The following ANKRD36 variants were observed in gnomAD, a reference collection of about 807,000 sequenced individuals.
ANKRD36 encodes ankyrin repeat domain-containing protein 36A.
ANKRD36 carries 179 observed loss-of-function variants against 278.1 expected under a neutral mutation model. That is an observed-to-expected ratio of 0.64 (90% CI 0.57 to 0.73). ANKRD36 has a LOEUF of 0.73. Ranked by LOEUF, ANKRD36 falls within the 30% of genes least tolerant of loss-of-function variation. ANKRD36 has a pLI of 0.00. For synonymous variants in ANKRD36, 320 were observed against 641.1 expected (o/e 0.50, Z 7.57); for missense variants, 1,159 against 1,956.7 (o/e 0.59, Z 7.69).
chr2:97,116,871 C>A (rs550060214), intron 1 of ANKRD36, among the ~76,000 whole-genome samples: 2 of 152,024 alleles, frequency 1.3e-5, no homozygotes, highest in South Asian at 4.2e-4. Flanking sequence ...TGTATGCATT[C>A]TTTCAATCCA....
chr2:97,184,861 A>G (rs1375752878), intron 28 of ANKRD36, among the ~76,000 whole-genome samples: 1 of 151,776 alleles, frequency 6.6e-6, no homozygotes, highest in African/African-American at 2.4e-5. Context: ...TGTCATTGTA[A>G]TTGTGTACCT....
At chr2:97,234,918 T>G (rs2073261435) in intron 68 of ANKRD36, among the ~76,000 whole-genome samples, 1 of 134,118 alleles carries the variant, frequency 7.5e-6, no homozygotes, top group Non-Finnish European at 1.5e-5. Flanking sequence ...TGGATACTAT[T>G]ACTTTTAGCT....
intron 32 of ANKRD36, among the ~76,000 whole-genome samples, chr2:97,187,617 C>A (rs2057715715): frequency 6.6e-6 from 1 of 151,706 alleles, no homozygotes; most frequent in Non-Finnish European, 1.5e-5. Context: ...TACACTTCCC[C>A]ACATTGAAAT....
intron 66 of ANKRD36, among the ~76,000 whole-genome samples, chr2:97,220,773 T>TTTTA (rs1352758805): frequency 3.6e-5 from 4 of 111,156 alleles, no homozygotes; most frequent in African/African-American, 5.2e-5. Context: ...TTTTTTTTTT[T>TTTTA]AATTTTTTTT....
intron 66 of ANKRD36, among the ~76,000 whole-genome samples, chr2:97,221,876 T>A (rs1431247911): frequency 1.3e-5 from 2 of 148,274 alleles, no homozygotes; most frequent in African/African-American, 5.0e-5. Flanking sequence ...TGAATGGTAA[T>A]GCCTAGGTTT....
At position 97,172,776 on chromosome 2, in the gene ANKRD36, G is replaced by A. The variant is rs533393300; in HGVS notation, c.1633+5009G>A. Among the ~76,000 whole-genome samples the A allele has an allele frequency of 5.3e-5, 8 of 151,760 alleles. No homozygotes were observed. In the South Asian group the frequency reaches 1.5e-3, roughly 28 times the overall value. ...TTCCCAGATGTCAAATGGCAAATAG[G>A]ACTTTGATGAAGAAACACCCCGTAA... On this transcript the variant is annotated intron_variant, in intron 22 of 75. Coordinates refer to ENST00000420699, the MANE Select transcript of ANKRD36 (RefSeq NM_001354587.1).
intron 1 of ANKRD36, among the ~76,000 whole-genome samples, chr2:97,115,352 G>C (rs879581966): frequency 3.7e-4 from 50 of 136,136 alleles, no homozygotes; most frequent in African/African-American, 1.1e-3. Flanking sequence ...TTATATTGAT[G>C]CATGTTTATA....
intron 66 of ANKRD36, among the ~76,000 whole-genome samples, chr2:97,220,899 G>A (rs1335097476): frequency 2.1e-5 from 3 of 144,662 alleles, no homozygotes; most frequent in East Asian, 2.2e-4. Flanking sequence ...CTAGCATTAG[G>A]TATATCTCCC....
chr2:97,176,482 A>G (rs1300159183), intron 22 of ANKRD36, among the ~76,000 whole-genome samples: 1 of 144,350 alleles, frequency 6.9e-6, no homozygotes, highest in African/African-American at 2.5e-5. Context: ...TGCTTGGTAG[A>G]TCTTCCTCCA....
chr2:97,159,301 T>C (rs2048265500), intron 17 of ANKRD36, among the ~76,000 whole-genome samples: 1 of 152,014 alleles, frequency 6.6e-6, no homozygotes, highest in Admixed American at 6.6e-5. Context: ...CAGGAGAGAA[T>C]AACTTCAATA....
At chr2:97,181,028 G>A (rs1261113834) in intron 24 of ANKRD36, among the ~76,000 whole-genome samples, 1 of 151,644 alleles carries the variant, frequency 6.6e-6, no homozygotes, top group Non-Finnish European at 1.5e-5. Context: ...TACACCACAT[G>A]GGTGTGAGAA....
Position 97,133,021 on chromosome 2 carries a change from A to G in ANKRD36, c.799+5887A>G, listed in dbSNP as rs557919780. 9.3e-4 allele frequency among the ~76,000 whole-genome samples: 142 copies of G among 152,230 alleles called. 1 individual carries two copies. Among genetic ancestry groups the G allele is most frequent in the Non-Finnish European group, 1.1e-3 (77 of 68,026 alleles). On this transcript the variant is annotated intron_variant, in intron 6 of 75. Transcript: ENST00000420699. ...AAAGCAGCTGTTCAGAGTCAACCAC[A>G]TTGTTTATGCAAACAGTTTAGGTAC...
At chr2:97,203,809 T>C (rs192204087) in intron 48 of ANKRD36, among the ~76,000 whole-genome samples, 13 of 151,796 alleles carry the variant, frequency 8.6e-5, no homozygotes, top group Admixed American at 1.3e-4. Context: ...CACATTGATA[T>C]TGACACGGTT....
chr2:97,162,172 A>G (rs1217968139), intron 18 of ANKRD36, 34 bp downstream of exon 18: 1 of 1,360,380 alleles, frequency 7.4e-7, no homozygotes, highest in Non-Finnish European at 9.5e-7. Context: ...CCATGAGAGC[A>G]ATGAAATAAT....
intron 1 of ANKRD36, among the ~76,000 whole-genome samples, chr2:97,116,809 A>G (rs2035512526): frequency 6.6e-6 from 1 of 152,086 alleles, no homozygotes; most frequent in Non-Finnish European, 1.5e-5. Flanking sequence ...TCACTATTCC[A>G]AAAGCACTGC....
chr2:97,197,945 T>G (rs2153584538), intron 42 of ANKRD36, among the ~76,000 whole-genome samples: 1 of 151,990 alleles, frequency 6.6e-6, no homozygotes, highest in South Asian at 2.1e-4. Context: ...GGTGATCAAT[T>G]TAGGACCCTT....
At chr2:97,208,356 G>A (rs529160162) in intron 54 of ANKRD36, among the ~76,000 whole-genome samples, 2 of 146,538 alleles carry the variant, frequency 1.4e-5, no homozygotes, top group South Asian at 4.2e-4. Context: ...ACACACTTCA[G>A]CTCGTACTGC....
intron 38 of ANKRD36, 127 bp from the exon 39 acceptor site, chr2:97,194,599 G>C: frequency 6.5e-7 from 1 of 1,532,040 alleles, no homozygotes; most frequent in South Asian, 1.2e-5. Context: ...CAGACAGAAA[G>C]TAGAAGCCAT....
Position 97,192,991 on chromosome 2 carries a change from A to C in ANKRD36, c.2387A>C (p.Asp796Ala), listed in dbSNP as rs530451657. 3 of 1,581,000 alleles carry C rather than the reference A, an allele frequency of 1.9e-6. No individual in the cohort carries two copies. Among genetic ancestry groups the C allele is most frequent in the African/African-American group, 1.4e-5 (1 of 73,854 alleles). Residue 796 changes from aspartate to alanine, a missense_variant, in exon 38 of 76, where the codon GAC (aspartate) becomes GCC (alanine). Asp to Ala is a moderately radical substitution (Grantham distance 126). Transcript: ENST00000420699. The part of the protein sequence containing the change: ...QKPPALTATS[D>A]EEGSVLSIAR... The stretch of plus-strand genomic sequence containing the variant: ...TGAAATTCCATTCAGGCTACAAGTG[A>C]CGAGGAAGGTTCTGTTTTGAGTATA...
Sources: allele counts gnomAD v4.1 joint callset (sites outside exome capture counted in the v4.1 genomes callset), GRCh38; gene constraint gnomAD v4.1.1; transcripts MANE v1.5; gene names NCBI Gene and HGNC (gene_info 2026-07-23, HGNC 2026-07-21).